Variants in MAPK8 observed in about 807,000 individuals in gnomAD.
MAPK8 encodes the protein JUN N-terminal kinase.
Under a neutral mutation model 52.9 loss-of-function variants are expected in MAPK8, and 13 were observed. That is an observed-to-expected ratio of 0.25 (90% confidence interval 0.16 to 0.39). MAPK8 has a LOEUF of 0.39. Ranked by LOEUF, MAPK8 falls within the 10% of genes least tolerant of loss-of-function variation. The pLI is 1.00. For missense variants in MAPK8, 300 were observed against 519.2 expected (o/e 0.58, Z 4.10); for synonymous variants, 191 against 169.8 (o/e 1.12, Z -0.97).
At chr10:48,330,160 T>C (rs1163492447) in intron 1 of MAPK8, among the ~76,000 whole-genome samples, 1 of 152,210 alleles carries the variant, frequency 6.6e-6, no homozygotes, top group African/African-American at 2.4e-5. Flanking sequence ...ACTGCTTTTA[T>C]TTAAGTCTAG....
intron 1 of MAPK8, among the ~76,000 whole-genome samples, chr10:48,350,980 A>G (rs1846266921): frequency 6.6e-6 from 1 of 151,614 alleles, no homozygotes; most frequent in African/African-American, 2.4e-5. Context: ...GTAATAGACA[A>G]ACAGAGAACC....
At chr10:48,420,026 A>G (rs1416244768) in intron 5 of MAPK8, 129 bp from the exon 6 acceptor site, 7 of 631,240 alleles carry the variant, frequency 1.1e-5, no homozygotes, top group Non-Finnish European at 1.8e-5. Context: ...GAATCAGTGC[A>G]GTAATATTAC....
In MAPK8 at chr10:48,400,102, A is replaced by T. The variant is rs1029341082; in HGVS notation, c.-49-1510A>T. Among the ~76,000 whole-genome samples, 3 of 152,234 alleles carry T rather than the reference A, an allele frequency of 2.0e-5. No homozygotes were observed. In the East Asian group the frequency reaches 5.8e-4, roughly 29 times the overall value. On this transcript the variant is annotated intron_variant, in intron 1 of 11. Coordinates refer to ENST00000374189, the MANE Select transcript of MAPK8 (RefSeq NM_001323329.2). Reference sequence around the variant, plus strand: ...AGGTTATGGTAGGAAAATGATTAGGATGAACAATCCCTGTATGTGAGCATT... The same window carrying T: ...AGGTTATGGTAGGAAAATGATTAGGTTGAACAATCCCTGTATGTGAGCATT...
Position 48,326,762 on chromosome 10 carries a change from C to T in MAPK8, c.-50+19941C>T, listed in dbSNP as rs143880544. 3.3e-3 allele frequency among the ~76,000 whole-genome samples: 497 copies of T among 152,262 alleles called. 3 individuals are homozygous for T. The highest frequency in any genetic ancestry group is 0.011 in the African/African-American group (465 of 41,526). ...TCTTCAACTCTAATCTATTACCATA[C>T]GGATCATTCCTGGTCCTCCCGTTAC... is the stretch of plus-strand genomic sequence containing the variant. On this transcript the variant is annotated intron_variant, in intron 1 of 11. Coordinates refer to ENST00000374189, the MANE Select transcript of MAPK8 (RefSeq NM_001323329.2).
intron 2 of MAPK8, among the ~76,000 whole-genome samples, chr10:48,402,831 A>G (rs1264524507): frequency 6.6e-6 from 1 of 152,220 alleles, no homozygotes; most frequent in African/African-American, 2.4e-5. Flanking sequence ...TGGAAATAGC[A>G]TCAAATCTAT....
intron 1 of MAPK8, among the ~76,000 whole-genome samples, chr10:48,373,731 C>G (rs2040474221): frequency 6.6e-6 from 1 of 152,008 alleles, no homozygotes. Flanking sequence ...GCACCTAATA[C>G]AGTAGCACCC....
intron 8 of MAPK8, 97 bp downstream of exon 8, chr10:48,426,167 A>G: frequency 2.6e-6 from 3 of 1,172,840 alleles, no homozygotes; most frequent in Non-Finnish European, 2.3e-6. Flanking sequence ...CTTATGGGAC[A>G]TGAACCCAAG....
At chr10:48,318,855 TTTGC>T (rs768155330) in intron 1 of MAPK8, among the ~76,000 whole-genome samples, 1 of 152,138 alleles carries the variant, frequency 6.6e-6, no homozygotes, top group Non-Finnish European at 1.5e-5. Context: ...ACAGGCTAAG[TTTGC>T]TTGTCACAAA....
chr10:48,338,942 A>T (rs1166075583), intron 1 of MAPK8, among the ~76,000 whole-genome samples: 1 of 152,156 alleles, frequency 6.6e-6, no homozygotes, highest in Non-Finnish European at 1.5e-5. Context: ...GATGACACAA[A>T]CAAATGGAAG....
At chr10:48,367,699 A>C (rs1028409635) in intron 1 of MAPK8, among the ~76,000 whole-genome samples, 1 of 152,230 alleles carries the variant, frequency 6.6e-6, no homozygotes, top group Non-Finnish European at 1.5e-5. Context: ...GAATAAGTTT[A>C]CAGTTAGATA....
At chr10:48,323,052 GTTTC>G (rs1294408629) in intron 1 of MAPK8, among the ~76,000 whole-genome samples, 3 of 152,058 alleles carry the variant, frequency 2.0e-5, no homozygotes, top group Non-Finnish European at 2.9e-5. Flanking sequence ...AGTATATGTG[GTTTC>G]AGTTTTTCCT....
At chr10:48,364,205 C>A (rs1847824421) in intron 1 of MAPK8, among the ~76,000 whole-genome samples, 1 of 152,108 alleles carries the variant, frequency 6.6e-6, no homozygotes, top group South Asian at 2.1e-4. Context: ...ACCAGGATGA[C>A]TAAAGAGGAT....
At chr10:48,367,110 G>C (rs937339529) in intron 1 of MAPK8, among the ~76,000 whole-genome samples, 1 of 152,114 alleles carries the variant, frequency 6.6e-6, no homozygotes, top group African/African-American at 2.4e-5. Flanking sequence ...TCAGCTGGGT[G>C]TAGTAGCGCA....
At chr10:48,307,748 A>G (rs536673150) in intron 1 of MAPK8, among the ~76,000 whole-genome samples, 34 of 152,272 alleles carry the variant, frequency 2.2e-4, no homozygotes, top group African/African-American at 7.0e-4. Context: ...CCGTCAGTCC[A>G]TTGTGTTTTG....
intron 3 of MAPK8, among the ~76,000 whole-genome samples, chr10:48,408,023 A>C (rs61838696): frequency 0.11 from 16,075 of 152,180 alleles, 1,140 homozygotes; most frequent in Admixed American, 0.25. Flanking sequence ...TTTCTGGTGT[A>C]TTATTTTTCC....
intron 1 of MAPK8, among the ~76,000 whole-genome samples, chr10:48,397,356 A>C (rs570935136): frequency 1.3e-5 from 2 of 151,244 alleles, no homozygotes; most frequent in African/African-American, 4.9e-5. Context: ...GGGTCTCTCT[A>C]TGTTGCCTAG....
intron 1 of MAPK8, among the ~76,000 whole-genome samples, chr10:48,349,027 A>C (rs1156464642): frequency 1.3e-5 from 2 of 152,132 alleles, no homozygotes; most frequent in African/African-American, 4.8e-5. Context: ...TAAAAAGACA[A>C]AGAAGGGCAT....
intron 1 of MAPK8, among the ~76,000 whole-genome samples, chr10:48,376,769 G>A (rs2040688963): frequency 1.3e-5 from 2 of 152,160 alleles, no homozygotes; most frequent in South Asian, 2.1e-4. Flanking sequence ...ACTGTTGGTG[G>A]GAGTGTAAAT....
At chr10:48,411,849 C>T (rs1360415563) in intron 5 of MAPK8, among the ~76,000 whole-genome samples, 1 of 138,654 alleles carries the variant, frequency 7.2e-6, no homozygotes, top group Non-Finnish European at 1.6e-5. Flanking sequence ...CTTTCTCCAC[C>T]CTCTCCTCTC....
Sources: gnomAD v4.1 joint callset for allele counts (sites outside exome capture counted in the v4.1 genomes callset) on GRCh38, gnomAD v4.1.1 for gene constraint, MANE v1.5 for transcripts, NCBI Gene and HGNC (gene_info 2026-07-23, HGNC 2026-07-21) for gene names.